The following TTC27 variants were observed in gnomAD, a reference collection of about 807,000 sequenced individuals.
TTC27 encodes the protein tetratricopeptide repeat domain 27, also known as tetratricopeptide repeat protein 27.
In TTC27, 79 loss-of-function variants were observed where a neutral mutation model predicts 115.9. That is an observed-to-expected ratio of 0.68 (90% CI 0.57 to 0.82). The LOEUF is 0.82. Ranked by LOEUF, TTC27 falls within the 40% of genes least tolerant of loss-of-function variation. The probability of loss-of-function intolerance (pLI) is 0.00; values close to 1 mark genes in which losing one functional copy is unlikely to be tolerated. For synonymous variants in TTC27, 401 were observed against 356.0 expected, an observed-to-expected ratio of 1.13 and a Z score of -1.42; for missense variants, 1,054 against 993.1, an observed-to-expected ratio of 1.06 and a Z score of -0.82.
chr2:32,798,102 T>TTA (rs375919288), intron 16 of TTC27, among the ~76,000 whole-genome samples: 2 of 146,348 alleles, frequency 1.4e-5, no homozygotes, highest in Admixed American at 6.8e-5. Flanking sequence ...GAAAAAAAAT[T>TTA]AAAAAAAAAA....
intron 16 of TTC27, among the ~76,000 whole-genome samples, chr2:32,809,596 G>T (rs1036598243): frequency 6.6e-6 from 1 of 152,204 alleles, no homozygotes; most frequent in African/African-American, 2.4e-5. Flanking sequence ...GCACTGACTA[G>T]CATGGTGTTA....
At chr2:32,808,801 A>C (rs1671221987) in intron 16 of TTC27, among the ~76,000 whole-genome samples, 1 of 152,222 alleles carries the variant, frequency 6.6e-6, no homozygotes, top group Non-Finnish European at 1.5e-5. Flanking sequence ...AGCATCACTC[A>C]TTAGTGTGTT....
chr2:32,801,887 CTT>C (rs1406594363), intron 16 of TTC27, among the ~76,000 whole-genome samples: 1 of 152,140 alleles, frequency 6.6e-6, no homozygotes, highest in Non-Finnish European at 1.5e-5. Flanking sequence ...ACTAATAAAA[CTT>C]TTCAAAAGAG....
At chr2:32,747,475 C>T (rs1668869008) in intron 12 of TTC27, among the ~76,000 whole-genome samples, 1 of 152,158 alleles carries the variant, frequency 6.6e-6, no homozygotes, top group African/African-American at 2.4e-5. Flanking sequence ...ATAAAGTGTT[C>T]TGTATCTTAT....
intron 7 of TTC27, among the ~76,000 whole-genome samples, chr2:32,666,994 A>T (rs745498162): frequency 6.6e-6 from 1 of 151,622 alleles, no homozygotes; most frequent in East Asian, 1.9e-4. Context: ...ACCTGTATAT[A>T]GAGATAAATA....
At chr2:32,807,960 T>G (rs1671189933) in intron 16 of TTC27, among the ~76,000 whole-genome samples, 2 of 131,502 alleles carry the variant, frequency 1.5e-5, no homozygotes, top group African/African-American at 6.0e-5. Flanking sequence ...GGAGACAGAG[T>G]TTCGCTCTTG....
chr2:32,815,223 A>ATTTTTTTTTTTTTTTTTTTT (rs533493768), intron 18 of TTC27, among the ~76,000 whole-genome samples: 6 of 55,512 alleles, frequency 1.1e-4, no homozygotes, highest in East Asian at 6.7e-4. Context: ...GCTGCTTCAG[A>ATTTTTTTTTTTTTTTTTTTT]TTTTTTTTTT....
chr2:32,646,918 A>C (rs1664886652), intron 4 of TTC27, among the ~76,000 whole-genome samples: 2 of 150,658 alleles, frequency 1.3e-5, no homozygotes, highest in African/African-American at 4.9e-5. Flanking sequence ...TTTGAGAGTT[A>C]ATTTATAGAT....
chr2:32,785,589 G>A (rs190408726), intron 15 of TTC27, among the ~76,000 whole-genome samples: 30 of 151,992 alleles, frequency 2.0e-4, no homozygotes, highest in African/African-American at 6.3e-4. Context: ...GCTATTGAGG[G>A]TTTTGTTTTT....
chr2:32,702,877 A>C lies in TTC27; in HGVS notation c.1190A>C (p.Lys397Thr), dbSNP rs1205924920. 3 of 1,614,100 alleles carry C rather than the reference A, an allele frequency of 1.9e-6. No individual in the cohort carries two copies. The highest frequency in any genetic ancestry group is 2.5e-6 in the Non-Finnish European group (3 of 1,179,988). ...SALILRTKLE[K>T]GSTRRVERAM... ...TTGATCCTCCGGACAAAACTTGAGAAAGGAAGTACTCGCCGAGTGGAACGG... is the reference window on the plus strand; with the variant it reads ...TTGATCCTCCGGACAAAACTTGAGACAGGAAGTACTCGCCGAGTGGAACGG... Residue 397 changes from lysine to threonine, a missense_variant, in exon 10 of 20, where the codon AAA becomes ACA. Lys to Thr is a moderately conservative substitution (Grantham distance 78, BLOSUM62 -1). Coordinates refer to ENST00000317907, the MANE Select transcript of TTC27 (RefSeq NM_017735.5).
At chr2:32,634,792 G>T (rs1664350148) in intron 3 of TTC27, among the ~76,000 whole-genome samples, 1 of 151,866 alleles carries the variant, frequency 6.6e-6, no homozygotes, top group Non-Finnish European at 1.5e-5. Context: ...TAGTAGCTGG[G>T]ATTACAGGCG....
chr2:32,647,430 C>T (rs1042705646), intron 4 of TTC27, among the ~76,000 whole-genome samples: 2 of 152,146 alleles, frequency 1.3e-5, no homozygotes, highest in East Asian at 3.8e-4. Context: ...AATGACGCAA[C>T]ACCTCAGGGA....
At chr2:32,808,284 C>G (rs1671202724) in intron 16 of TTC27, among the ~76,000 whole-genome samples, 1 of 152,186 alleles carries the variant, frequency 6.6e-6, no homozygotes, top group East Asian at 1.9e-4. Flanking sequence ...TATCCTCAGC[C>G]TTATTCTTGC....
chr2:32,807,854 G>T (rs1671183437), intron 16 of TTC27, among the ~76,000 whole-genome samples: 1 of 148,792 alleles, frequency 6.7e-6, no homozygotes, highest in African/African-American at 2.5e-5. Context: ...TCCTTCCTTG[G>T]TTTCCATGAC....
intron 16 of TTC27, among the ~76,000 whole-genome samples, chr2:32,796,763 T>C (rs1670714765): frequency 6.6e-6 from 1 of 152,076 alleles, no homozygotes. Flanking sequence ...CACAAAACTG[T>C]AGTAGTCAAA....
intron 10 of TTC27, chr2:32,705,019 C>A (rs1346416946): frequency 1.3e-4 from 57 of 433,558 alleles, no homozygotes; most frequent in South Asian, 1.8e-5. Flanking sequence ...AGTATTTGTT[C>A]CCTCCGTATC....
In TTC27 at chr2:32,820,892, T is replaced by G. The variant is rs1356012692; in HGVS notation, c.2486T>G (p.Val829Gly). 6.5e-7 allele frequency: 1 copy of G among 1,537,650 alleles called. No individual in the cohort carries two copies. Among genetic ancestry groups the G allele is most frequent in the East Asian group, 2.5e-5 (1 of 40,672 alleles). Residue 829 changes from valine to glycine, a missense_variant, in exon 20 of 20, where the codon GTG (valine) becomes GGG (glycine). By Grantham distance (109) the Val-to-Gly change is moderately radical (BLOSUM62 -3). Transcript: ENST00000317907. ...ADDITAMDTL[V>G]TELQDLSNQF... ...GACATAACAGCTATGGACACCTTAG[T>G]GACAGAGCTCCAAGACCTAAGCAAC...
At chr2:32,636,340 A>G (rs1664426209) in intron 3 of TTC27, among the ~76,000 whole-genome samples, 1 of 152,062 alleles carries the variant, frequency 6.6e-6, no homozygotes, top group Non-Finnish European at 1.5e-5. Flanking sequence ...CAGCCTCCCA[A>G]GCAGCTGGGA....
intron 10 of TTC27, among the ~76,000 whole-genome samples, chr2:32,721,510 G>A (rs1044457808): frequency 1.3e-5 from 2 of 151,780 alleles, no homozygotes; most frequent in South Asian, 2.1e-4. Context: ...ACCAGATTTC[G>A]TTATCCATAG....
Sources: allele counts gnomAD v4.1 joint callset (sites outside exome capture counted in the v4.1 genomes callset), GRCh38; gene constraint gnomAD v4.1.1; transcripts MANE v1.5; gene names NCBI Gene and HGNC (gene_info 2026-07-23, HGNC 2026-07-21).